The following ZNF773 variants were observed in gnomAD, a reference collection of about 807,000 sequenced individuals.
ZNF773 encodes zinc finger protein 419B.
In ZNF773, 11 loss-of-function variants were observed where a neutral mutation model predicts 12.8. The observed-to-expected ratio is 0.86, with a 90% CI of 0.54 to 1.42. The LOEUF is 1.42. ZNF773 is among the 40% of genes most tolerant of loss of function. The pLI is 0.00. For missense variants in ZNF773, 518 were observed against 527.2 expected (o/e 0.98, Z 0.17); for synonymous variants, 175 against 178.4 (o/e 0.98, Z 0.15).
chr19:57,516,067 C>A, downstream of ZNF773: 1 of 154,338 alleles, frequency 6.5e-6, no homozygotes, highest in South Asian at 1.8e-4. Context: ...ATGGACAATC[C>A]GTGTGGGTGC....
chr19:57,506,999 C>T lies in ZNF773; in HGVS notation c.904C>T (p.Pro302Ser). Residue 302 changes from proline (P) to serine (S), a missense_variant, in exon 4 of 4, where the codon CCT becomes TCT. Transcript: ENST00000282292. ...QHHRIHTGVR[P>S]YECSECGKLF... The stretch of plus-strand genomic sequence containing the variant: ...TCACAGAATCCACACTGGAGTAAGG[C>T]CTTATGAGTGCAGTGAATGTGGAAA... The T allele has an allele frequency of 6.2e-7, 1 of 1,614,192 alleles. No homozygotes were observed. The highest frequency in any genetic ancestry group is 8.5e-7 in the Non-Finnish European group (1 of 1,180,042).
chr19:57,512,661 A>G (rs139236711), downstream of ZNF773, among the ~76,000 whole-genome samples: 502 of 152,298 alleles, frequency 3.3e-3, 5 homozygotes, highest in African/African-American at 0.011. Context: ...TCAGTATGCC[A>G]CTGGAGACTA....
Position 57,505,336 on chromosome 19 carries a change from G to A in ZNF773, c.198G>A (p.Gln66=). 2 of 1,612,372 alleles carry A rather than the reference G, an allele frequency of 1.2e-6. No individual in the cohort carries two copies. The highest frequency in any genetic ancestry group is 1.7e-6 in the Non-Finnish European group (2 of 1,179,152). Residue 66 remains glutamine, a synonymous_variant, in exon 3 of 4, where the codon CAG becomes CAA. Coordinates refer to ENST00000282292, the MANE Select transcript of ZNF773 (RefSeq NM_198542.3). ...LASSKTHEIT[Q]LESWEEPFMP... ...CTTCCAAGACCCATGAAATAACCCAGCTGGAGTCATGGGAGGAGCCCTTCA... is the reference window on the plus strand; with the variant it reads ...CTTCCAAGACCCATGAAATAACCCAACTGGAGTCATGGGAGGAGCCCTTCA...
chr19:57,508,799 TAAA>T (rs2089774267), downstream of ZNF773, among the ~76,000 whole-genome samples: 1 of 152,028 alleles, frequency 6.6e-6, no homozygotes, highest in African/African-American at 2.4e-5. Context: ...TGAGCATTTT[TAAA>T]TGTGCTTATT....
downstream of ZNF773, chr19:57,508,356 T>A: frequency 2.1e-6 from 1 of 483,730 alleles, no homozygotes; most frequent in Non-Finnish European, 2.7e-6. Context: ...AGTTTTAATC[T>A]CACTGAGTTT....
downstream of ZNF773, chr19:57,513,137 G>A: frequency 7.1e-7 from 1 of 1,409,864 alleles, no homozygotes; most frequent in South Asian, 1.7e-5. Context: ...CAAGTCTGCT[G>A]GCAGTGGATA....
intron 1 of ZNF773, among the ~76,000 whole-genome samples, chr19:57,502,478 C>T (rs1183742306): frequency 6.6e-6 from 1 of 152,014 alleles, no homozygotes; most frequent in Non-Finnish European, 1.5e-5. Context: ...TTGTTTTTTC[C>T]TGGATATCAG....
chr19:57,507,566 A>G lies in ZNF773; in HGVS notation c.*142A>G. ...CAACACTGGACAGTTCACAGAGTGG[A>G]CAATGTAGTGAATATGGTAAAAGGC... On this transcript the variant is annotated 3_prime_UTR_variant, in exon 4 of 4. Transcript: ENST00000282292. The G allele has an allele frequency of 6.9e-7, 1 of 1,442,080 alleles. No individual in the cohort carries two copies. Among genetic ancestry groups the G allele is most frequent in the East Asian group, 2.5e-5 (1 of 40,254 alleles). 89.3% of individuals were successfully genotyped at this position (1,442,080 alleles called of 1,614,324 possible).
chr19:57,504,589 A>G, intron 1 of ZNF773, 68 bp from the exon 2 acceptor site: 3 of 1,596,250 alleles, frequency 1.9e-6, no homozygotes, highest in Non-Finnish European at 2.6e-6. Flanking sequence ...GCAGGGGTGG[A>G]TGTTTAGGGG....
intron 1 of ZNF773, among the ~76,000 whole-genome samples, chr19:57,501,253 G>C (rs2089666696): frequency 6.6e-6 from 1 of 151,232 alleles, no homozygotes; most frequent in South Asian, 2.1e-4. Context: ...TTGCCAAAAG[G>C]AAACCCACAT....
chr19:57,513,177 A>C, downstream of ZNF773: 1 of 1,233,296 alleles, frequency 8.1e-7, no homozygotes, highest in South Asian at 2.7e-5. Flanking sequence ...AGGTACTGGG[A>C]GTGGGAAGTT....
In ZNF773 at chr19:57,506,645, T is replaced by C. The variant is rs1239217699; in HGVS notation, c.550T>C (p.Phe184Leu). 1.9e-6 allele frequency: 3 copies of C among 1,614,194 alleles called. No homozygotes were observed. The East Asian group carries it at 6.7e-5, about 36-fold the overall frequency. ...TAGGAGCTCCAAAAGTAGGGAGGCC[T>C]TTCATGCTGGAAAAAGGCATTACAA... ...SHRSSKSREAFHAGKRHYKCS... is the reference protein window; with the variant it reads ...SHRSSKSREALHAGKRHYKCS... The change falls in exon 4 of 4, where the codon TTT becomes CTT. Residue 184 changes from phenylalanine (F) to leucine (L), a missense_variant. Transcript: ENST00000282292.
In ZNF773 at chr19:57,506,850, G is replaced by C. The variant is rs767792762; in HGVS notation, c.755G>C (p.Cys252Ser). ...TGERPYGCSD[C>S]GKSFSRNADL... ...GAAAGGCCTTATGGGTGTAGTGACT[G>C]TGGAAAATCCTTTAGCCGTAATGCT... Residue 252 changes from cysteine (C) to serine (S), a missense_variant, in exon 4 of 4, where the codon TGT becomes TCT. By Grantham distance (112) the Cys-to-Ser change is moderately radical (BLOSUM62 -1). Transcript: ENST00000282292. The C allele has an allele frequency of 4.3e-6, 7 of 1,614,184 alleles. No individual in the cohort carries two copies. In the South Asian group the frequency reaches 7.7e-5, roughly 18 times the overall value.
rs752119996 is a variant in ZNF773 at position 57,504,781 on chromosome 19, C to T, written c.158C>T (p.Ser53Phe). 3 of 1,613,170 alleles carry T rather than the reference C, an allele frequency of 1.9e-6. 1 individual carries two copies. Among genetic ancestry groups the T allele is most frequent in the Middle Eastern group, 3.3e-4 (2 of 6,060 alleles). Reference sequence around the variant, plus strand: ...CTGGAGAACTTTACACTTCTGGCCTCTCTGGGTAAGGTTCTCACACCCCAC... The same window carrying T: ...CTGGAGAACTTTACACTTCTGGCCTTTCTGGGTAAGGTTCTCACACCCCAC... ...VMLENFTLLA[S>F]LGLASSKTHE... is the part of the protein sequence containing the mutation. The change falls in exon 2 of 4, where the codon TCT (serine) becomes TTT (phenylalanine). Residue 53 changes from serine (S) to phenylalanine (F), a missense_variant. Ser to Phe is a radical substitution (Grantham distance 155, BLOSUM62 -2). Transcript: ENST00000282292.
At chr19:57,505,855 G>T (rs370306754) in intron 3 of ZNF773, among the ~76,000 whole-genome samples, 1 of 151,750 alleles carries the variant, frequency 6.6e-6, no homozygotes, top group Non-Finnish European at 1.5e-5. Flanking sequence ...GACTACAGGC[G>T]CCCGCCACCA....
At chr19:57,502,108 A>G (rs890713436) in intron 1 of ZNF773, among the ~76,000 whole-genome samples, 1 of 151,976 alleles carries the variant, frequency 6.6e-6, no homozygotes, top group Non-Finnish European at 1.5e-5. Flanking sequence ...ACGCCCGGCT[A>G]ATTTTGTATC....
At chr19:57,512,766 C>T (rs931653282), downstream of ZNF773, among the ~76,000 whole-genome samples, 1 of 152,082 alleles carries the variant, frequency 6.6e-6, no homozygotes, top group African/African-American at 2.4e-5. Context: ...GCAGTCACAC[C>T]CCAGGTGCAG....
Position 57,506,692 on chromosome 19 carries a change from C to G in ZNF773, c.597C>G (p.Ala199=). The G allele has an allele frequency of 6.2e-7, 1 of 1,614,192 alleles. No homozygotes were observed. Among genetic ancestry groups the G allele is most frequent in the Non-Finnish European group, 8.5e-7 (1 of 1,180,032 alleles). ...ACAAATGCAGTGAATGTGGGAAAGC[C>G]TTTGGTCAGAAATATTTACTTGTTC... The part of the protein sequence containing the change: ...RHYKCSECGK[A]FGQKYLLVQH... The change falls in exon 4 of 4, where the codon GCC becomes GCG. Residue 199 remains alanine, a synonymous_variant. Transcript: ENST00000282292.
At chr19:57,510,841 CATAA>C (rs2089788474), downstream of ZNF773, among the ~76,000 whole-genome samples, 1 of 152,054 alleles carries the variant, frequency 6.6e-6, no homozygotes, top group South Asian at 2.1e-4. Flanking sequence ...TTAAGGAAGG[CATAA>C]ATAAATGACA....
Sources: gnomAD v4.1 joint callset for allele counts (sites outside exome capture counted in the v4.1 genomes callset) on GRCh38, gnomAD v4.1.1 for gene constraint, MANE v1.5 for transcripts, NCBI Gene and HGNC (gene_info 2026-07-23, HGNC 2026-07-21) for gene names.